The following CHRND variants were observed in gnomAD, a reference collection of about 807,000 sequenced individuals.
The protein encoded by CHRND is cholinergic receptor nicotinic delta subunit, also known as acetylcholine receptor subunit delta.
CHRND carries 40 observed loss-of-function variants against 57.8 expected under a neutral mutation model. The observed-to-expected ratio is 0.69, with a 90% CI of 0.54 to 0.90. The LOEUF is 0.90. CHRND is among the 40% of genes least tolerant of loss of function. CHRND has a pLI of 0.00. For synonymous variants in CHRND, 237 were observed against 270.6 expected (o/e 0.88, Z 1.22); for missense variants, 634 against 673.9 (o/e 0.94, Z 0.66).
intron 9 of CHRND, among the ~76,000 whole-genome samples, chr2:232,532,217 C>T (rs1403424281): frequency 3.9e-5 from 6 of 151,944 alleles, no homozygotes; most frequent in Admixed American, 6.6e-5. Context: ...CCTATAATCC[C>T]AGCACTTTGG....
Position 232,534,120 on chromosome 2 carries a change from C to G in CHRND, c.1237C>G (p.Arg413Gly). 6.2e-7 allele frequency: 1 copy of G among 1,614,090 alleles called. No homozygotes were observed. The highest frequency in any genetic ancestry group is 8.5e-7 in the Non-Finnish European group (1 of 1,180,032). The change falls in exon 10 of 12, where the codon CGC (arginine) becomes GGC (glycine). Residue 413 changes from arginine to glycine, a missense_variant. By Grantham distance (125) the Arg-to-Gly change is moderately radical. Coordinates refer to ENST00000258385, the MANE Select transcript of CHRND (RefSeq NM_000751.3). ...KQSERHGLAR[R>G]LTTARRPPAS... Reference sequence around the variant, plus strand: ...GTCAGAGCGGCATGGGCTGGCCAGGCGCCTCACCACTGCACGTGGGTCCCC... The same window carrying G: ...GTCAGAGCGGCATGGGCTGGCCAGGGGCCTCACCACTGCACGTGGGTCCCC...
chr2:232,535,037 C>T lies in CHRND; in HGVS notation c.1372-93C>T, dbSNP rs544536520. On this transcript the variant is annotated intron_variant, in intron 11 of 11. Coordinates refer to ENST00000258385, the MANE Select transcript of CHRND (RefSeq NM_000751.3). ...GGCAGCCTCTGCAGGCACACTGAGC[C>T]GCCCTCTGCCTCCATGGCTGGGCCC... 1.6e-5 allele frequency: 24 copies of T among 1,483,584 alleles called. No individual in the cohort carries two copies. In the East Asian group the frequency reaches 2.0e-4, roughly 13 times the overall value. 91.9% of individuals were successfully genotyped at this position (1,483,584 alleles called of 1,614,324 possible).
intron 9 of CHRND, among the ~76,000 whole-genome samples, chr2:232,533,218 C>T (rs1238769116): frequency 6.6e-6 from 1 of 152,132 alleles, no homozygotes; most frequent in African/African-American, 2.4e-5. Context: ...ATGGGTTTCA[C>T]CACGTTGGCC....
intron 7 of CHRND, 82 bp downstream of exon 7, chr2:232,530,221 C>T: frequency 1.4e-6 from 2 of 1,459,390 alleles, no homozygotes; most frequent in Non-Finnish European, 1.9e-6. Flanking sequence ...CCCCTCACTT[C>T]CTCCTGGGAG....
chr2:232,526,370 C>G lies in CHRND; in HGVS notation c.52+103C>G, dbSNP rs900956921. Reference sequence around the variant, plus strand: ...ACTCCACTCCCACTCTGCCATCTCTCCCTGTGGGGGGCCGCCTTCTGGGGT... The same window carrying G: ...ACTCCACTCCCACTCTGCCATCTCTGCCTGTGGGGGGCCGCCTTCTGGGGT... On this transcript the variant is annotated intron_variant, in intron 1 of 11. Transcript: ENST00000258385. The G allele has an allele frequency of 9.9e-6, 15 of 1,521,344 alleles. No individual in the cohort carries two copies. The African/African-American group carries it at 1.5e-4, about 15-fold the overall frequency. 94.2% of individuals were successfully genotyped at this position (1,521,344 alleles called of 1,614,324 possible). A position where few individuals can be genotyped will look rare whatever the true frequency, so the allele number is the denominator to read the frequency against.
intron 3 of CHRND, 130 bp downstream of exon 3, chr2:232,527,575 TC>T (rs1409181424): frequency 9.5e-6 from 7 of 736,664 alleles, no homozygotes; most frequent in Non-Finnish European, 1.7e-5. Flanking sequence ...AAACCCCGTC[TC>T]TACTAAAAAT....
Position 232,534,286 on chromosome 2 carries a change from G to A in CHRND, c.1315G>A (p.Val439Met), listed in dbSNP as rs1691813228. 1.2e-6 allele frequency: 2 copies of A among 1,614,182 alleles called. No individual in the cohort carries two copies. The highest frequency in any genetic ancestry group is 1.7e-5 in the Admixed American group (1 of 60,034). ...QELFNELKPA[V>M]DGANFIVNHM... Reference sequence around the variant, plus strand: ...ACTCTTCAATGAGCTGAAGCCAGCTGTGGATGGGGCAAACTTCATTGTTAA... The same window carrying A: ...ACTCTTCAATGAGCTGAAGCCAGCTATGGATGGGGCAAACTTCATTGTTAA... The change falls in exon 11 of 12, where the codon GTG (valine) becomes ATG (methionine). Residue 439 changes from valine (V) to methionine (M), a missense_variant. Physicochemically the swap from Val to Met is conservative, Grantham distance 21. Transcript: ENST00000258385.
At chr2:232,532,883 C>A (rs77571519) in intron 9 of CHRND, among the ~76,000 whole-genome samples, 504 of 152,282 alleles carry the variant, frequency 3.3e-3, no homozygotes, top group African/African-American at 0.012. Context: ...TTAAGATGTG[C>A]TCATTCCACT....
Position 232,528,987 on chromosome 2 carries a change from G to A in CHRND, c.619+16G>A, listed in dbSNP as rs753490642. The A allele has an allele frequency of 2.4e-5, 38 of 1,596,134 alleles. No homozygotes were observed. Among genetic ancestry groups the A allele is most frequent in the Middle Eastern group, 3.3e-4 (2 of 6,056 alleles). On this transcript the variant is annotated intron_variant, in intron 6 of 11. Transcript: ENST00000258385. ...GGCTTCACAGGTGCTGGGAACAGCC[G>A]CCAGTGGGTGGGCAGGTCCCTCAGA...
Position 232,531,476 on chromosome 2 carries a change from C to T in CHRND, c.932+13C>T. 1 of 1,613,578 alleles carries T rather than the reference C, an allele frequency of 6.2e-7. No individual in the cohort carries two copies. ...CCCTTATCGGCAAGTGAGTGACGCT[C>T]AAGCCCGGCCTCACCCTGCTTGCCA... On this transcript the variant is annotated intron_variant, in intron 8 of 11. Transcript: ENST00000258385.
chr2:232,528,768 C>T, intron 5 of CHRND, 94 bp from the exon 6 acceptor site: 1 of 1,578,476 alleles, frequency 6.3e-7, no homozygotes, highest in Middle Eastern at 1.7e-4. Flanking sequence ...ATTAGTGCTG[C>T]CCTCCCCACA....
chr2:232,534,164 C>T, intron 10 of CHRND, 29 bp downstream of exon 10: 2 of 1,614,054 alleles, frequency 1.2e-6, no homozygotes, highest in Non-Finnish European at 1.7e-6. Context: ...TGGTTTTCAG[C>T]CCATCTGTGG....
intron 7 of CHRND, among the ~76,000 whole-genome samples, 161 bp downstream of exon 7, chr2:232,530,300 A>T (rs1364275579): frequency 6.6e-6 from 1 of 152,132 alleles, no homozygotes; most frequent in Non-Finnish European, 1.5e-5. Context: ...GGCCACCCAG[A>T]GGGAGGGCTG....
chr2:232,534,593 C>T (rs1431814079), intron 11 of CHRND, among the ~76,000 whole-genome samples: 1 of 152,142 alleles, frequency 6.6e-6, no homozygotes, highest in African/African-American at 2.4e-5. Context: ...TCTGAGCATC[C>T]CTTAGGATCC....
rs1203669806 is a variant in CHRND at position 232,535,311 on chromosome 2, A to T, written c.1553A>T (p.Ter518LeuextTer13). 6.2e-7 allele frequency: 1 copy of T among 1,613,164 alleles called. No individual in the cohort carries two copies. Among genetic ancestry groups the T allele is most frequent in the South Asian group, 1.1e-5 (1 of 91,072 alleles). Reference sequence around the variant, plus strand: ...AACGTGCAGGACAAGCGCTTCATCTAGGGTGGGCCTGTTGGGGAGCCAGGA... The same window carrying T: ...AACGTGCAGGACAAGCGCTTCATCTTGGGTGGGCCTGTTGGGGAGCCAGGA... ...SYNVQDKRFI[*>L] The change falls in exon 12 of 12, where the codon TAG (stop) becomes TTG (leucine). Residue 518 changes from the stop codon to leucine (L), a stop_lost. Transcript: ENST00000258385.
In CHRND at chr2:232,534,079, T is replaced by C; in HGVS notation, c.1196T>C (p.Leu399Pro). 2 of 1,614,074 alleles carry C rather than the reference T, an allele frequency of 1.2e-6. No individual in the cohort carries two copies. Among genetic ancestry groups the C allele is most frequent in the Non-Finnish European group, 1.7e-6 (2 of 1,180,028 alleles). ...TTCCTGCTCAAGTCCCGCAGTGACC[T>C]CATGTTCGAGAAGCAGTCAGAGCGG... ...EYFLLKSRSD[L>P]MFEKQSERHG... The change falls in exon 10 of 12, where the codon CTC (leucine) becomes CCC (proline). Residue 399 changes from leucine to proline, a missense_variant. Leu to Pro is a moderately conservative substitution (Grantham distance 98, BLOSUM62 -3). Transcript: ENST00000258385.
chr2:232,536,430 C>G lies in CHRND; in HGVS notation c.*1118C>G, dbSNP rs1691894464. ...GGAAGCCAGCTGGCATGTTAAGGAG[C>G]CCTATGGAGAGGCCCACATGGCAAG... On this transcript the variant is annotated 3_prime_UTR_variant, in exon 12 of 12. Transcript: ENST00000258385. 1 of 454,020 alleles carries G rather than the reference C, an allele frequency of 2.2e-6. No individual in the cohort carries two copies. The highest frequency in any genetic ancestry group is 2.0e-5 in the African/African-American group (1 of 50,008). 28.1% of individuals were successfully genotyped at this position (454,020 alleles called of 1,614,324 possible).
chr2:232,534,270 T>C lies in CHRND; in HGVS notation c.1299T>C (p.Asn433=), dbSNP rs370167671. ...SSEQAQQELF[N]ELKPAVDGAN... Reference sequence around the variant, plus strand: ...AGCAGGCCCAGCAGGAACTCTTCAATGAGCTGAAGCCAGCTGTGGATGGGG... The same window carrying C: ...AGCAGGCCCAGCAGGAACTCTTCAACGAGCTGAAGCCAGCTGTGGATGGGG... Residue 433 remains asparagine, a synonymous_variant, in exon 11 of 12, where the codon AAT becomes AAC. Transcript: ENST00000258385. 6.2e-7 allele frequency: 1 copy of C among 1,614,106 alleles called. No homozygotes were observed. Among genetic ancestry groups the C allele is most frequent in the African/African-American group, 1.3e-5 (1 of 74,936 alleles).
chr2:232,528,095 T>C (rs754105965), intron 3 of CHRND, among the ~76,000 whole-genome samples, 167 bp from the exon 4 acceptor site: 4 of 152,234 alleles, frequency 2.6e-5, no homozygotes, highest in Admixed American at 6.5e-5. Context: ...GTGAGCATCC[T>C]GCACAGCTGT....
Sources: gnomAD v4.1 joint callset for allele counts (sites outside exome capture counted in the v4.1 genomes callset) on GRCh38, gnomAD v4.1.1 for gene constraint, MANE v1.5 for transcripts, NCBI Gene and HGNC (gene_info 2026-07-23, HGNC 2026-07-21) for gene names.